The following SDK1 variants were observed in gnomAD, a reference collection of about 807,000 sequenced individuals.
The protein encoded by SDK1 is sidekick cell adhesion molecule 1, also known as protein sidekick-1.
Under a neutral mutation model 245.5 loss-of-function variants are expected in SDK1, and 157 were observed. The ratio of observed to expected loss-of-function variants is 0.64; its 90% CI spans 0.56 to 0.73. The LOEUF is 0.73. SDK1 is among the 30% of genes least tolerant of loss of function. SDK1 has a pLI of 0.00. For missense variants in SDK1, 3,583 were observed against 3,002.3 expected (o/e 1.19, Z -4.52); for synonymous variants, 1,647 against 1,278.5 (o/e 1.29, Z -6.15).
intron 24 of SDK1, 131 bp downstream of exon 24, chr7:4,113,570 A>G (rs1192539397): frequency 3.8e-6 from 4 of 1,042,242 alleles, no homozygotes; most frequent in African/African-American, 3.2e-5. Context: ...TCGTCAAACC[A>G]AAAAGTATTG....
At chr7:3,547,724 A>G (rs1169976661) in intron 1 of SDK1, among the ~76,000 whole-genome samples, 2 of 152,206 alleles carry the variant, frequency 1.3e-5, no homozygotes, top group Non-Finnish European at 2.9e-5. Context: ...CCTTTTGGAT[A>G]GATACCTTTT....
chr7:3,765,298 A>G (rs1313591628), intron 4 of SDK1, among the ~76,000 whole-genome samples: 1 of 152,228 alleles, frequency 6.6e-6, no homozygotes, highest in East Asian at 1.9e-4. Flanking sequence ...ATATACCACC[A>G]ATGAATTTTA....
At chr7:3,395,096 G>A (rs1781859317) in intron 1 of SDK1, among the ~76,000 whole-genome samples, 1 of 151,894 alleles carries the variant, frequency 6.6e-6, no homozygotes, top group Non-Finnish European at 1.5e-5. Context: ...AAAGAATTTG[G>A]TCTTTCACCA....
At chr7:3,821,230 G>A (rs935850835) in intron 4 of SDK1, among the ~76,000 whole-genome samples, 1 of 149,814 alleles carries the variant, frequency 6.7e-6, no homozygotes, top group Non-Finnish European at 1.5e-5. Context: ...TGGAGCACCC[G>A]GTAGGCTCAG....
chr7:3,691,021 T>G (rs1431951230), intron 4 of SDK1, among the ~76,000 whole-genome samples: 2 of 152,166 alleles, frequency 1.3e-5, no homozygotes, highest in Non-Finnish European at 2.9e-5. Flanking sequence ...ATTTTGTCCT[T>G]CAAAGAAAAT....
chr7:3,301,488 C>G lies in SDK1; in HGVS notation c.-99C>G, dbSNP rs1221734680. ...GCCGCTCACCTCGGGCCGGGGGGCG[C>G]CGCGCCTCCCGCGGAGTGGCCGCGC... On this transcript the variant is annotated 5_prime_UTR_variant, in exon 1 of 45. Coordinates refer to ENST00000404826, the MANE Select transcript of SDK1 (RefSeq NM_152744.4). 6.5e-6 allele frequency: 2 copies of G among 308,682 alleles called. No individual in the cohort carries two copies. The highest frequency in any genetic ancestry group is 1.3e-4 in the Admixed American group (2 of 14,934). The allele number at this position is 308,682 out of a possible 1,614,324, so 19.1% of individuals were successfully genotyped here. A position where few individuals can be genotyped will look rare whatever the true frequency, so the allele number is the denominator to read the frequency against.
intron 4 of SDK1, among the ~76,000 whole-genome samples, chr7:3,698,703 T>A (rs1036448857): frequency 6.6e-6 from 1 of 152,232 alleles, no homozygotes; most frequent in Non-Finnish European, 1.5e-5. Flanking sequence ...GCTTTCTTCC[T>A]GGCTTGTAAA....
intron 14 of SDK1, among the ~76,000 whole-genome samples, chr7:4,008,204 G>T (rs144093925): frequency 6.6e-6 from 1 of 152,272 alleles, no homozygotes; most frequent in African/African-American, 2.4e-5. Flanking sequence ...TCCATGTTCC[G>T]CCATGTGTCC....
chr7:4,238,840 G>C (rs151055842), intron 42 of SDK1, among the ~76,000 whole-genome samples: 1 of 151,418 alleles, frequency 6.6e-6, no homozygotes, highest in East Asian at 1.9e-4. Context: ...GAGCCACCGC[G>C]CCCTGCCGAG....
At chr7:3,437,356 C>T (rs1018810791) in intron 1 of SDK1, among the ~76,000 whole-genome samples, 1 of 152,034 alleles carries the variant, frequency 6.6e-6, no homozygotes, top group Admixed American at 6.6e-5. Context: ...ATGCGAGTTT[C>T]TATAAAGAAT....
At chr7:3,633,799 A>G (rs1782374137) in intron 2 of SDK1, among the ~76,000 whole-genome samples, 1 of 152,086 alleles carries the variant, frequency 6.6e-6, no homozygotes, top group Admixed American at 6.5e-5. Context: ...ATGGATGGAT[A>G]TTGGGGTGCC....
Position 3,969,334 on chromosome 7 carries a change from C to A in SDK1, c.1624C>A (p.Pro542Thr). 1 of 1,611,314 alleles carries A rather than the reference C, an allele frequency of 6.2e-7. No homozygotes were observed. The highest frequency in any genetic ancestry group is 1.1e-5 in the South Asian group (1 of 90,078). Residue 542 changes from proline (P) to threonine (T), a missense_variant, in exon 11 of 45, where the codon CCC becomes ACC. Pro to Thr is a conservative substitution (Grantham distance 38, BLOSUM62 -1). Coordinates refer to ENST00000404826, the MANE Select transcript of SDK1 (RefSeq NM_152744.4). ...LLESGGLQIA[P>T]VFIQDAGNYT... ...TGAATCGGGGGGTCTACAGATCGCG[C>A]CCGTCTTCATCCAGGATGCCGGCAA...
intron 5 of SDK1, among the ~76,000 whole-genome samples, chr7:3,837,884 A>G (rs1041059343): frequency 3.3e-5 from 5 of 152,352 alleles, no homozygotes; most frequent in Admixed American, 3.3e-4. Flanking sequence ...ATTCCTAGTC[A>G]AACTGGCCAC....
chr7:3,553,150 T>C (rs1052370808), intron 1 of SDK1, among the ~76,000 whole-genome samples: 1 of 152,170 alleles, frequency 6.6e-6, no homozygotes, highest in Non-Finnish European at 1.5e-5. Context: ...TATTGCCTTA[T>C]ATTGTACAAC....
intron 1 of SDK1, among the ~76,000 whole-genome samples, chr7:3,344,886 T>A (rs1780452926): frequency 6.6e-6 from 1 of 152,220 alleles, no homozygotes; most frequent in Admixed American, 6.5e-5. Flanking sequence ...CCAGTCTTAC[T>A]GTTGTACAGT....
intron 13 of SDK1, among the ~76,000 whole-genome samples, chr7:3,977,838 A>T (rs534872642): frequency 6.6e-6 from 1 of 152,196 alleles, no homozygotes; most frequent in African/African-American, 2.4e-5. Flanking sequence ...CAATAAATAT[A>T]TGTTGGTTGG....
At chr7:3,407,208 T>G (rs1489642525) in intron 1 of SDK1, among the ~76,000 whole-genome samples, 1 of 152,242 alleles carries the variant, frequency 6.6e-6, no homozygotes. Flanking sequence ...TATTCAGCAC[T>G]TTCTGGAACT....
At chr7:4,145,594 G>C (rs893213183) in intron 28 of SDK1, 128 bp from the exon 29 acceptor site, 18 of 794,496 alleles carry the variant, frequency 2.3e-5, no homozygotes, top group African/African-American at 3.5e-5. Context: ...CAGTGCACAG[G>C]CAGTGACCTC....
chr7:3,454,930 C>G (rs1024754806), intron 1 of SDK1, among the ~76,000 whole-genome samples: 1 of 152,182 alleles, frequency 6.6e-6, no homozygotes, highest in Admixed American at 6.5e-5. Context: ...AGTGACTGTA[C>G]CATTTTACTA....
Sources: allele counts gnomAD v4.1 joint callset (sites outside exome capture counted in the v4.1 genomes callset), GRCh38; gene constraint gnomAD v4.1.1; transcripts MANE v1.5; gene names NCBI Gene and HGNC (gene_info 2026-07-23, HGNC 2026-07-21).